Variants in SIL1 observed in about 807,000 individuals in gnomAD.
SIL1 encodes SIL1 nucleotide exchange factor.
In SIL1, 40 loss-of-function variants were observed where a neutral mutation model predicts 49.1. That is an observed-to-expected ratio of 0.81 (90% CI 0.63 to 1.06). The LOEUF is 1.06. Among genes scored for constraint, SIL1 ranks in the 50% least tolerant of loss-of-function variants. The probability of loss-of-function intolerance (pLI) is 0.00; values close to 1 mark genes in which losing one functional copy is unlikely to be tolerated. For missense variants in SIL1, 500 were observed against 572.6 expected, an observed-to-expected ratio of 0.87 and a Z score of 1.29; for synonymous variants, 253 against 250.8, an observed-to-expected ratio of 1.01 and a Z score of -0.08.
intron 5 of SIL1, among the ~76,000 whole-genome samples, chr5:139,027,397 T>C (rs1768681866): frequency 6.6e-6 from 1 of 152,200 alleles, no homozygotes; most frequent in Non-Finnish European, 1.5e-5. Flanking sequence ...CTCACAATCA[T>C]AGACTATCTT....
At chr5:139,169,476 AT>A (rs70982754) in intron 1 of SIL1, among the ~76,000 whole-genome samples, 11,163 of 139,490 alleles carry the variant, frequency 0.08, 465 homozygotes, top group Non-Finnish European at 0.1. Context: ...ATATAGATAG[AT>A]TTTTTTTTTT....
chr5:138,981,835 T>C (rs1345543479), intron 7 of SIL1, among the ~76,000 whole-genome samples: 1 of 151,296 alleles, frequency 6.6e-6, no homozygotes. Flanking sequence ...CTCTCTCTTT[T>C]TTTTTTCTCT....
chr5:139,080,335 C>G (rs573912747), intron 3 of SIL1, among the ~76,000 whole-genome samples: 1 of 152,224 alleles, frequency 6.6e-6, no homozygotes, highest in Non-Finnish European at 1.5e-5. Flanking sequence ...AGATTGAACA[C>G]TGGCTAGCTA....
intron 7 of SIL1, among the ~76,000 whole-genome samples, chr5:138,984,296 C>T (rs188506871): frequency 7.9e-5 from 12 of 151,432 alleles, no homozygotes; most frequent in African/African-American, 2.9e-4. Flanking sequence ...TCAGGCAGGA[C>T]TGATACTATC....
intron 1 of SIL1, among the ~76,000 whole-genome samples, chr5:139,150,691 ACTTT>A (rs1229945292): frequency 6.6e-6 from 1 of 152,192 alleles, no homozygotes; most frequent in Non-Finnish European, 1.5e-5. Flanking sequence ...AATAAAAGCC[ACTTT>A]CTTCTTCGGT....
At chr5:139,170,977 C>T (rs1751749551) in intron 1 of SIL1, among the ~76,000 whole-genome samples, 1 of 148,600 alleles carries the variant, frequency 6.7e-6, no homozygotes, top group Admixed American at 6.6e-5. Context: ...GCCCGGCCAG[C>T]CGCCCCGTCC....
chr5:139,004,743 T>G (rs1280235679), intron 7 of SIL1, among the ~76,000 whole-genome samples: 1 of 152,156 alleles, frequency 6.6e-6, no homozygotes, highest in Non-Finnish European at 1.5e-5. Flanking sequence ...GAAAATGTGA[T>G]GTACACACAC....
chr5:139,194,150 G>A (rs1345165899), intron 1 of SIL1, among the ~76,000 whole-genome samples: 1 of 152,206 alleles, frequency 6.6e-6, no homozygotes, highest in East Asian at 1.9e-4. Context: ...GGAACCTGAA[G>A]GAACTACAAG....
intron 4 of SIL1, among the ~76,000 whole-genome samples, chr5:139,044,567 A>G (rs1369948330): frequency 6.6e-6 from 1 of 152,010 alleles, no homozygotes; most frequent in Non-Finnish European, 1.5e-5. Context: ...CCAAAACTTC[A>G]TTTTCCCATG....
At chr5:139,181,232 C>T (rs1751976573) in intron 1 of SIL1, among the ~76,000 whole-genome samples, 1 of 152,100 alleles carries the variant, frequency 6.6e-6, no homozygotes, top group East Asian at 1.9e-4. Context: ...AATAAATGCC[C>T]AGCCCGAGCA....
At chr5:139,134,724 T>C (rs1561875467) in intron 1 of SIL1, among the ~76,000 whole-genome samples, 1 of 152,186 alleles carries the variant, frequency 6.6e-6, no homozygotes, top group Non-Finnish European at 1.5e-5. Flanking sequence ...TTTCCTAGCA[T>C]ATTGGCATCC....
At chr5:139,167,913 C>T (rs1224531054) in intron 1 of SIL1, among the ~76,000 whole-genome samples, 2 of 152,120 alleles carry the variant, frequency 1.3e-5, no homozygotes, top group African/African-American at 2.4e-5. Context: ...AACTCCTGGG[C>T]TCAAGCAATC....
intron 1 of SIL1, among the ~76,000 whole-genome samples, chr5:139,128,422 T>C (rs1750796981): frequency 6.6e-6 from 1 of 151,974 alleles, no homozygotes; most frequent in South Asian, 2.1e-4. Context: ...GGAGGATCAC[T>C]TGAGGCCAGA....
chr5:139,161,283 G>C (rs971751419), intron 1 of SIL1, among the ~76,000 whole-genome samples: 1 of 152,180 alleles, frequency 6.6e-6, no homozygotes, highest in Non-Finnish European at 1.5e-5. Flanking sequence ...CAGCCACAAG[G>C]CCAAATCTTT....
At chr5:139,086,936 G>A (rs1770235989) in intron 3 of SIL1, among the ~76,000 whole-genome samples, 1 of 151,552 alleles carries the variant, frequency 6.6e-6, no homozygotes, top group African/African-American at 2.4e-5. Flanking sequence ...CTCCAGCCTG[G>A]GCAACAGAGT....
At chr5:139,040,773 A>T (rs1189219903) in intron 5 of SIL1, among the ~76,000 whole-genome samples, 4 of 152,042 alleles carry the variant, frequency 2.6e-5, no homozygotes, top group Admixed American at 6.5e-5. Context: ...TGCTGCACCC[A>T]GCCGAGAGGA....
chr5:139,053,493 A>C (rs1017173249), intron 3 of SIL1, among the ~76,000 whole-genome samples: 17 of 152,162 alleles, frequency 1.1e-4, no homozygotes, highest in Non-Finnish European at 2.2e-4. Flanking sequence ...TACCAAACCT[A>C]TGTCATTCTC....
At chr5:139,167,845 T>C (rs568724296) in intron 1 of SIL1, among the ~76,000 whole-genome samples, 1 of 152,120 alleles carries the variant, frequency 6.6e-6, no homozygotes, top group Admixed American at 6.5e-5. Context: ...GGGTACTACT[T>C]TTTATTTTTT....
In SIL1 at chr5:139,170,280, G is replaced by C. The variant is rs560961809; in HGVS notation, c.-11+27989C>G. ...AGTGCCGAGATTGCAGCTTCTGCCC[G>C]GCCGCCACCCCGTCTGGGAAGTGAG... On this transcript the variant is annotated intron_variant, in intron 1 of 9. Transcript: ENST00000394817. 6.6e-5 allele frequency among the ~76,000 whole-genome samples: 10 copies of C among 152,220 alleles called. No homozygotes were observed. The South Asian group carries it at 8.3e-4, about 13-fold the overall frequency.
Sources: gnomAD v4.1 joint callset for allele counts (sites outside exome capture counted in the v4.1 genomes callset) on GRCh38, gnomAD v4.1.1 for gene constraint, MANE v1.5 for transcripts, NCBI Gene and HGNC (gene_info 2026-07-23, HGNC 2026-07-21) for gene names.